APC: variants seen among roughly 807,000 people sequenced by gnomAD.
APC encodes the protein APC regulator of Wnt signaling pathway, also known as adenomatous polyposis coli protein.
Under a neutral mutation model 247.0 loss-of-function variants are expected in APC, and 72 were observed. That is an observed-to-expected ratio of 0.29 (90% CI 0.24 to 0.35). APC has a LOEUF of 0.35. APC is among the 10% of genes least tolerant of loss of function. The pLI is 1.00. For missense variants in APC, 3,400 were observed against 3,360.7 expected, an observed-to-expected ratio of 1.01 and a Z score of -0.29; for synonymous variants, 1,254 against 1,162.5, an observed-to-expected ratio of 1.08 and a Z score of -1.60.
intron 6 of APC, among the ~76,000 whole-genome samples, chr5:112,789,095 G>T (rs754732014): frequency 4.6e-5 from 7 of 152,156 alleles, no homozygotes; most frequent in Non-Finnish European, 7.3e-5. Flanking sequence ...AATTTGTGGA[G>T]AGTTATCCTG....
chr5:112,838,739 T>C lies in APC; in HGVS notation c.3145T>C (p.Trp1049Arg), dbSNP rs587779787. The change falls in exon 16 of 16, where the codon TGG (tryptophan) becomes CGG (arginine). Residue 1049 changes from tryptophan (W) to arginine (R), a missense_variant. This residue lies in a region of APC where 715 missense variants were observed against 656.6 expected (regional missense o/e 1.09). Coordinates refer to ENST00000257430, the MANE Select transcript of APC (RefSeq NM_000038.6). ...GCAAAGTCCTTCACAGAATGAAAGA[T>C]GGGCAAGACCCAAACACATAATAGA... ...GRQSPSQNER[W>R]ARPKHIIEDE... The C allele has an allele frequency of 5.6e-6, 9 of 1,614,144 alleles. No homozygotes were observed. Among genetic ancestry groups the C allele is most frequent in the Non-Finnish European group, 6.8e-6 (8 of 1,180,012 alleles).
intron 15 of APC, among the ~76,000 whole-genome samples, chr5:112,837,279 T>A (rs897544471): frequency 2.0e-5 from 3 of 152,204 alleles, no homozygotes; most frequent in South Asian, 2.1e-4. Flanking sequence ...TAAATGTATG[T>A]GCCCCACCCC....
At chr5:112,754,210 A>AATAGCATAGGCTAATATAGTC (rs1435611968) in intron 1 of APC, among the ~76,000 whole-genome samples, 32 of 152,244 alleles carry the variant, frequency 2.1e-4, no homozygotes, top group African/African-American at 7.7e-4. Flanking sequence ...TATTATAGTC[A>AATAGCATAGGCTAATATAGTC]ACCTTTTGAA....
rs144655979 is a variant in APC at position 112,839,806 on chromosome 5, C to A, written c.4212C>A (p.Ser1404=). The A allele has an allele frequency of 1.5e-4, 239 of 1,613,936 alleles. 1 individual carries two copies. Among genetic ancestry groups the A allele is most frequent in the Non-Finnish European group, 1.9e-4 (228 of 1,180,012 alleles). The stretch of plus-strand genomic sequence containing the variant: ...TTGAGAGTCGTTCGATTGCCAGCTC[C>A]GTTCAGAGTGAACCATGCAGTGGAA... ...DSFESRSIAS[S]VQSEPCSGMV... is the part of the protein sequence containing the mutation. Residue 1404 remains serine, a synonymous_variant, in exon 16 of 16, where the codon TCC becomes TCA. Coordinates refer to ENST00000257430, the MANE Select transcript of APC (RefSeq NM_000038.6). The surrounding 1 kb of genome is among the most constrained non-coding windows in gnomAD (Gnocchi z 5.0).
At chr5:112,713,432 C>A (rs1051555746) in intron 1 of APC, among the ~76,000 whole-genome samples, 1 of 152,140 alleles carries the variant, frequency 6.6e-6, no homozygotes, top group African/African-American at 2.4e-5. Flanking sequence ...TTCACAGAAG[C>A]CCTCTTTCCG....
At chr5:112,837,283 C>T (rs183551975) in intron 15 of APC, among the ~76,000 whole-genome samples, 3 of 152,114 alleles carry the variant, frequency 2.0e-5, no homozygotes, top group South Asian at 2.1e-4. Flanking sequence ...TGTATGTGCC[C>T]CACCCCCTGC....
Position 112,843,533 on chromosome 5 carries a change from A to G in APC, c.7939A>G (p.Met2647Val), listed in dbSNP as rs745497860. 6.2e-7 allele frequency: 1 copy of G among 1,613,558 alleles called. No homozygotes were observed. Among genetic ancestry groups the G allele is most frequent in the Non-Finnish European group, 8.5e-7 (1 of 1,179,538 alleles). Residue 2647 changes from methionine to valine, a missense_variant, in exon 16 of 16, where the codon ATG becomes GTG. Around this residue, in one of 9 missense-constraint regions of APC, gnomAD observed 1,788 missense variants for 1,649.5 expected, o/e 1.08. Transcript: ENST00000257430. This position sits in a 1 kb window ranked among gnomAD's most constrained non-coding sequence, Gnocchi z 4.8. The stretch of plus-strand genomic sequence containing the variant: ...TGAATCAAAGACTCTAATTTATCAA[A>G]TGGCACCTGCTGTTTCTAAAACAGA... The part of the protein sequence containing the change: ...GAESKTLIYQ[M>V]APAVSKTEDV...
At chr5:112,811,746 A>G (rs1474641733) in intron 8 of APC, among the ~76,000 whole-genome samples, 1 of 152,244 alleles carries the variant, frequency 6.6e-6, no homozygotes, top group African/African-American at 2.4e-5. Context: ...TTCAAGTAGT[A>G]CATTAGTTAG....
chr5:112,747,892 G>A (rs929570097), intron 1 of APC, among the ~76,000 whole-genome samples: 9 of 152,058 alleles, frequency 5.9e-5, no homozygotes, highest in Non-Finnish European at 1.0e-4. Flanking sequence ...GGTTACCTTG[G>A]GGTGTTTGAA....
chr5:112,740,740 GGT>G (rs1173769665), intron 1 of APC, among the ~76,000 whole-genome samples: 2 of 151,640 alleles, frequency 1.3e-5, no homozygotes, highest in African/African-American at 4.8e-5. Context: ...TGCCCAGGGT[GGT>G]CTCGAACTCG....
At chr5:112,823,891 A>G (rs1763390158) in intron 11 of APC, among the ~76,000 whole-genome samples, 1 of 152,188 alleles carries the variant, frequency 6.6e-6, no homozygotes, top group Non-Finnish European at 1.5e-5. Flanking sequence ...TCTCCAGGGG[A>G]AGGGCCTAGG....
At chr5:112,787,256 T>G (rs1759067452) in intron 6 of APC, among the ~76,000 whole-genome samples, 1 of 152,248 alleles carries the variant, frequency 6.6e-6, no homozygotes, top group Non-Finnish European at 1.5e-5. Context: ...TGGCTGTGTT[T>G]CAGTAAAACT....
rs573876131 is a variant in APC, at chr5:112,798,480, A to G, written c.730-2799A>G. Among the ~76,000 whole-genome samples the G allele has an allele frequency of 2.4e-4, 36 of 152,376 alleles. 2 individuals are homozygous for G. The South Asian group carries it at 7.5e-3, about 32-fold the overall frequency. On this transcript the variant is annotated intron_variant, in intron 7 of 15. Transcript: ENST00000257430. ...TGAAAATGTTCTAAAACTGGATTACAGCTGTGCTTGATAAATCTAAAAGTC... is the reference window on the plus strand; with the variant it reads ...TGAAAATGTTCTAAAACTGGATTACGGCTGTGCTTGATAAATCTAAAAGTC...
At chr5:112,793,106 T>G (rs1759823516) in intron 7 of APC, among the ~76,000 whole-genome samples, 1 of 152,048 alleles carries the variant, frequency 6.6e-6, no homozygotes, top group East Asian at 1.9e-4. Context: ...AGCAGGAAGA[T>G]ATTTGAAAAT....
At chr5:112,806,647 G>A (rs756204769) in intron 8 of APC, among the ~76,000 whole-genome samples, 7 of 151,690 alleles carry the variant, frequency 4.6e-5, no homozygotes, top group African/African-American at 7.3e-5. Flanking sequence ...GTGCAATCTC[G>A]GCTCATTGCA....
chr5:112,807,930 G>A (rs912741737), intron 8 of APC, among the ~76,000 whole-genome samples: 1 of 152,030 alleles, frequency 6.6e-6, no homozygotes, highest in Non-Finnish European at 1.5e-5. Flanking sequence ...CGGGGTGAGC[G>A]GATCACTTGA....
At chr5:112,745,355 C>T (rs1753530488) in intron 1 of APC, among the ~76,000 whole-genome samples, 1 of 151,652 alleles carries the variant, frequency 6.6e-6, no homozygotes, top group African/African-American at 2.4e-5. Flanking sequence ...TCCCCTAGAT[C>T]AAAGAGGAAA....
intron 1 of APC, among the ~76,000 whole-genome samples, chr5:112,721,728 A>C (rs11241182): frequency 0.41 from 63,029 of 151,944 alleles, 15,114 homozygotes; most frequent in East Asian, 0.67. Flanking sequence ...AATGGTTTGG[A>C]AGTGATAATT....
At chr5:112,795,373 T>C (rs1005606665) in intron 7 of APC, among the ~76,000 whole-genome samples, 23 of 152,308 alleles carry the variant, frequency 1.5e-4, no homozygotes, top group African/African-American at 5.5e-4. Flanking sequence ...TGCACTGAGT[T>C]TTGGTATCCA....
Sources: gnomAD v4.1 joint callset for allele counts (sites outside exome capture counted in the v4.1 genomes callset) on GRCh38, gnomAD v4.1.1 for gene constraint, gnomAD v4.1.1 regional missense constraint, Gnocchi (gnomAD v3.1) non-coding constraint, MANE v1.5 for transcripts, NCBI Gene and HGNC (gene_info 2026-07-23, HGNC 2026-07-21) for gene names.